The following POLN variants were observed in gnomAD, a reference collection of about 807,000 sequenced individuals.
The protein encoded by POLN is DNA polymerase N.
A neutral mutation model predicts 113.5 loss-of-function variants in POLN; 108 were observed. That is an observed-to-expected ratio of 0.95 (90% CI 0.81 to 1.12). The LOEUF is 1.12. POLN is among the 50% of genes most tolerant of loss of function. The probability of loss-of-function intolerance (pLI) is 0.00; values close to 1 mark genes in which losing one functional copy is unlikely to be tolerated. For missense variants in POLN, 1,097 were observed against 1,077.1 expected (o/e 1.02, Z -0.26); for synonymous variants, 386 against 391.5 (o/e 0.99, Z 0.17).
intron 19 of POLN, among the ~76,000 whole-genome samples, chr4:2,102,516 T>C (rs1261498854): frequency 6.6e-6 from 1 of 151,996 alleles, no homozygotes; most frequent in African/African-American, 2.4e-5. Flanking sequence ...ACTCAAACCA[T>C]CCTGGCTGCC....
intron 23 of POLN, among the ~76,000 whole-genome samples, chr4:2,075,726 T>C (rs1730259654): frequency 1.3e-5 from 2 of 152,176 alleles, no homozygotes; most frequent in South Asian, 4.1e-4. Flanking sequence ...CCGTGAGGCA[T>C]GGGCACCACT....
Position 2,138,204 on chromosome 4 carries a change from A to T in POLN, c.1732-6914T>A, listed in dbSNP as rs911872504. 7.2e-5 allele frequency among the ~76,000 whole-genome samples: 11 copies of T among 152,280 alleles called. No homozygotes were observed. In the East Asian group the frequency reaches 1.9e-3, roughly 27 times the overall value. ...CCTGGCACACAGGTGTTCAGAAAAC[A>T]TCTGTTGAATGAATGATGATGAATG... On this transcript the variant is annotated intron_variant, in intron 16 of 25. Coordinates refer to ENST00000511885, the MANE Select transcript of POLN (RefSeq NM_181808.4).
chr4:2,174,065 C>G (rs2022342), intron 10 of POLN, 46 bp from the exon 11 acceptor site: 220,834 of 1,581,482 alleles, frequency 0.14, 24,107 homozygotes, highest in African/African-American at 0.52. Context: ...TTAATGTATT[C>G]TTTTTACTAA....
At chr4:2,145,351 A>T (rs1237194637) in intron 16 of POLN, among the ~76,000 whole-genome samples, 1 of 152,204 alleles carries the variant, frequency 6.6e-6, no homozygotes, top group Non-Finnish European at 1.5e-5. Flanking sequence ...AAGACATAGA[A>T]TCCAATCTGA....
chr4:2,241,983 G>C (rs1297006110), intron 1 of POLN, 68 bp downstream of exon 1: 3 of 985,578 alleles, frequency 3.0e-6, no homozygotes, highest in Non-Finnish European at 3.6e-6. Flanking sequence ...CCTGGGTGCA[G>C]ACGGGGATCG....
chr4:2,102,756 C>T (rs998292737), intron 19 of POLN, among the ~76,000 whole-genome samples: 1 of 152,142 alleles, frequency 6.6e-6, no homozygotes, highest in Non-Finnish European at 1.5e-5. Flanking sequence ...TTTACCACAG[C>T]CTCCACCAAT....
At chr4:2,177,413 C>A (rs1733023910) in intron 8 of POLN, 2 of 354,730 alleles carry the variant, frequency 5.6e-6, no homozygotes, top group South Asian at 2.1e-5. Context: ...ACAATTCATG[C>A]CACCTCTTTG....
At chr4:2,107,519 G>A (rs929627246) in intron 19 of POLN, among the ~76,000 whole-genome samples, 2 of 152,158 alleles carry the variant, frequency 1.3e-5, no homozygotes, top group African/African-American at 2.4e-5. Context: ...GAGAGATAAC[G>A]GGGGTAGCAT....
chr4:2,105,859 A>T (rs1731054381), intron 19 of POLN, among the ~76,000 whole-genome samples: 1 of 149,772 alleles, frequency 6.7e-6, no homozygotes, highest in South Asian at 2.1e-4. Flanking sequence ...GTGATGATAA[A>T]ATGGACCATG....
At chr4:2,072,329 C>T (rs189042634) in intron 25 of POLN, 30 bp from the exon 26 acceptor site, 28 of 1,490,958 alleles carry the variant, frequency 1.9e-5, no homozygotes, top group South Asian at 1.6e-4. Flanking sequence ...GTGAGCCCCA[C>T]GCCTGGGCCA....
intron 20 of POLN, among the ~76,000 whole-genome samples, chr4:2,092,748 A>G (rs1001441184): frequency 6.6e-6 from 1 of 152,194 alleles, no homozygotes; most frequent in Non-Finnish European, 1.5e-5. Flanking sequence ...TTATGTGAAA[A>G]CACGTCACTA....
chr4:2,151,579 C>A (rs1193620099), intron 16 of POLN, among the ~76,000 whole-genome samples: 1 of 152,204 alleles, frequency 6.6e-6, no homozygotes, highest in African/African-American at 2.4e-5. Context: ...TATTGATCAA[C>A]AGGTGAACTC....
chr4:2,166,669 C>A (rs533185822), intron 13 of POLN, among the ~76,000 whole-genome samples: 11 of 152,260 alleles, frequency 7.2e-5, no homozygotes, highest in African/African-American at 2.6e-4. Flanking sequence ...TTCACTCACT[C>A]TTCTGGATCT....
At chr4:2,118,346 G>A (rs1731365113) in intron 19 of POLN, among the ~76,000 whole-genome samples, 1 of 152,140 alleles carries the variant, frequency 6.6e-6, no homozygotes, top group Non-Finnish European at 1.5e-5. Context: ...GGCTGGACAT[G>A]AGAATCATCG....
intron 19 of POLN, among the ~76,000 whole-genome samples, chr4:2,118,389 G>A (rs1731366615): frequency 1.3e-5 from 2 of 152,134 alleles, no homozygotes; most frequent in African/African-American, 4.8e-5. Context: ...CCAACTTTCA[G>A]GAATCTCATT....
intron 7 of POLN, among the ~76,000 whole-genome samples, chr4:2,184,496 A>G: frequency 6.6e-6 from 1 of 152,212 alleles, no homozygotes; most frequent in East Asian, 1.9e-4. Flanking sequence ...GGAGATCAAT[A>G]AGGTTAAGTA....
intron 4 of POLN, among the ~76,000 whole-genome samples, chr4:2,209,565 C>T (rs1052017038): frequency 4.0e-5 from 6 of 150,842 alleles, no homozygotes; most frequent in Admixed American, 1.3e-4. Flanking sequence ...CATAGATCCA[C>T]AAACTAATCA....
intron 13 of POLN, among the ~76,000 whole-genome samples, chr4:2,162,517 C>A (rs522218): frequency 1.1e-4 from 16 of 152,262 alleles, no homozygotes; most frequent in African/African-American, 3.9e-4. Flanking sequence ...CCGGACACAG[C>A]ACCATCTTGG....
At position 2,240,403 on chromosome 4, in the gene POLN, G is replaced by C; in HGVS notation, c.-13+1117C>G. The C allele has an allele frequency of 1.2e-6, 2 of 1,612,566 alleles. No individual in the cohort carries two copies. The highest frequency in any genetic ancestry group is 2.2e-5 in the South Asian group (2 of 90,914). On this transcript the variant is annotated intron_variant, in intron 2 of 25. Coordinates refer to ENST00000511885, the MANE Select transcript of POLN (RefSeq NM_181808.4). ...TTTGTCCCTTGACCTAAATTAGAAT[G>C]TCTGAAGAACATCATCAATTGTGTA...
Sources: allele counts gnomAD v4.1 joint callset (sites outside exome capture counted in the v4.1 genomes callset), GRCh38; gene constraint gnomAD v4.1.1; transcripts MANE v1.5; gene names NCBI Gene and HGNC (gene_info 2026-07-23, HGNC 2026-07-21).